The following ITPR2 variants were observed in gnomAD, a reference collection of about 807,000 sequenced individuals.
ITPR2 encodes the protein inositol 1,4,5-trisphosphate receptor type 2.
A neutral mutation model predicts 317.1 loss-of-function variants in ITPR2; 207 were observed. The observed-to-expected ratio is 0.65, with a 90% CI of 0.58 to 0.73. ITPR2 has a LOEUF of 0.73. ITPR2 is among the 30% of genes least tolerant of loss of function. The probability of loss-of-function intolerance (pLI) is 0.00; values close to 1 mark genes in which losing one functional copy is unlikely to be tolerated. For missense variants in ITPR2, 2,613 were observed against 3,284.0 expected (o/e 0.80, Z 4.99); for synonymous variants, 1,156 against 1,149.1 (o/e 1.01, Z -0.12).
intron 1 of ITPR2, among the ~76,000 whole-genome samples, chr12:26,798,503 C>A (rs891571952): frequency 2.0e-4 from 31 of 152,116 alleles, no homozygotes; most frequent in African/African-American, 7.2e-4. Flanking sequence ...AGCTAAATAC[C>A]AGCACTAAGT....
chr12:26,626,794 G>A (rs796525334), intron 23 of ITPR2, among the ~76,000 whole-genome samples: 1 of 152,222 alleles, frequency 6.6e-6, no homozygotes, highest in Non-Finnish European at 1.5e-5. Flanking sequence ...ATTGATGGAC[G>A]AAGAAGAGGG....
At chr12:26,483,037 C>T (rs1420391098) in intron 42 of ITPR2, among the ~76,000 whole-genome samples, 1 of 152,174 alleles carries the variant, frequency 6.6e-6, no homozygotes, top group Non-Finnish European at 1.5e-5. Context: ...CATCCCTTAC[C>T]TTGATTGACC....
intron 32 of ITPR2, among the ~76,000 whole-genome samples, chr12:26,594,404 G>A (rs1209476806): frequency 6.6e-6 from 1 of 151,714 alleles, no homozygotes; most frequent in Non-Finnish European, 1.5e-5. Flanking sequence ...TGACAAGGAT[G>A]TACCTTGTCA....
intron 39 of ITPR2, among the ~76,000 whole-genome samples, chr12:26,491,226 G>A (rs1332831875): frequency 6.6e-6 from 1 of 152,060 alleles, no homozygotes; most frequent in African/African-American, 2.4e-5. Flanking sequence ...GCTCACACCT[G>A]TAATCCCAGC....
intron 21 of ITPR2, among the ~76,000 whole-genome samples, chr12:26,642,408 T>C (rs921025241): frequency 6.6e-6 from 1 of 151,868 alleles, no homozygotes; most frequent in African/African-American, 2.4e-5. Flanking sequence ...ATCCCAGGAG[T>C]GGGTTTTTTG....
intron 45 of ITPR2, among the ~76,000 whole-genome samples, chr12:26,455,755 T>C (rs991063259): frequency 1.3e-5 from 2 of 152,104 alleles, no homozygotes; most frequent in Non-Finnish European, 2.9e-5. Context: ...TATAACCTAC[T>C]GGTAAAGAAG....
At chr12:26,734,063 C>T (rs141954962) in intron 2 of ITPR2, among the ~76,000 whole-genome samples, 17 of 152,132 alleles carry the variant, frequency 1.1e-4, no homozygotes, top group Admixed American at 1.3e-4. Flanking sequence ...ACTTCCATAG[C>T]GTCTCCTTTT....
At chr12:26,515,955 A>G (rs1456545322) in intron 37 of ITPR2, among the ~76,000 whole-genome samples, 1 of 150,482 alleles carries the variant, frequency 6.6e-6, no homozygotes, top group African/African-American at 2.4e-5. Context: ...ACAAAAAAAA[A>G]AGAAAAAGAA....
intron 45 of ITPR2, among the ~76,000 whole-genome samples, chr12:26,466,591 A>G (rs1229132326): frequency 6.6e-6 from 1 of 152,250 alleles, no homozygotes; most frequent in East Asian, 1.9e-4. Flanking sequence ...TACATTATTT[A>G]AAACATAATT....
chr12:26,435,882 C>A (rs1941338760), intron 48 of ITPR2, among the ~76,000 whole-genome samples: 1 of 152,034 alleles, frequency 6.6e-6, no homozygotes, highest in Non-Finnish European at 1.5e-5. Flanking sequence ...ATTTAGGTAA[C>A]AACAATTAAT....
chr12:26,584,784 C>T (rs1488081966), intron 32 of ITPR2, among the ~76,000 whole-genome samples: 1 of 152,170 alleles, frequency 6.6e-6, no homozygotes, highest in Non-Finnish European at 1.5e-5. Context: ...GGCTACTCTA[C>T]AGGGCAGGGC....
intron 4 of ITPR2, among the ~76,000 whole-genome samples, chr12:26,724,114 C>T (rs1434305885): frequency 1.3e-5 from 2 of 152,126 alleles, no homozygotes; most frequent in Non-Finnish European, 2.9e-5. Flanking sequence ...AAGTGCCTTA[C>T]ATTCTTTTTT....
At chr12:26,584,212 C>T (rs970878883) in intron 32 of ITPR2, among the ~76,000 whole-genome samples, 1 of 152,104 alleles carries the variant, frequency 6.6e-6, no homozygotes, top group African/African-American at 2.4e-5. Context: ...TCAAGGATTC[C>T]TGTTTATTTA....
Position 26,826,315 on chromosome 12 carries a change from A to G in ITPR2, c.92+6375T>C, listed in dbSNP as rs1356245566. 5.9e-5 allele frequency among the ~76,000 whole-genome samples: 9 copies of G among 152,228 alleles called. No individual in the cohort carries two copies. In the East Asian group the frequency reaches 1.7e-3, roughly 29 times the overall value. Reference sequence around the variant, plus strand: ...ATTAAATAAGATAAATCAAATCTACAACTATTTAAACATCAAAATGTTTAG... The same window carrying G: ...ATTAAATAAGATAAATCAAATCTACGACTATTTAAACATCAAAATGTTTAG... On this transcript the variant is annotated intron_variant, in intron 1 of 56. Coordinates refer to ENST00000381340, the MANE Select transcript of ITPR2 (RefSeq NM_002223.4).
intron 2 of ITPR2, among the ~76,000 whole-genome samples, chr12:26,768,344 G>A: frequency 6.6e-6 from 1 of 150,550 alleles, no homozygotes; most frequent in Non-Finnish European, 1.5e-5. Flanking sequence ...CAGCGCACCA[G>A]CATGGCACAT....
intron 13 of ITPR2, among the ~76,000 whole-genome samples, chr12:26,676,463 TG>T (rs1398684401): frequency 1.4e-4 from 20 of 142,194 alleles, no homozygotes; most frequent in African/African-American, 4.9e-4. Context: ...GGTGACAGAG[TG>T]AGACTCTGTC....
intron 32 of ITPR2, among the ~76,000 whole-genome samples, chr12:26,592,167 C>G (rs1397733742): frequency 6.6e-6 from 1 of 152,140 alleles, no homozygotes; most frequent in East Asian, 1.9e-4. Flanking sequence ...TAAATTTTGC[C>G]TGTTCTCACT....
chr12:26,603,358 C>G (rs1266059378), intron 26 of ITPR2, among the ~76,000 whole-genome samples: 4 of 152,244 alleles, frequency 2.6e-5, no homozygotes, highest in Admixed American at 6.5e-5. Context: ...ATTATAATAA[C>G]TATTATCTGT....
At chr12:26,462,048 C>T (rs1942047142) in intron 45 of ITPR2, among the ~76,000 whole-genome samples, 1 of 151,498 alleles carries the variant, frequency 6.6e-6, no homozygotes, top group Non-Finnish European at 1.5e-5. Context: ...AATTCTGAAA[C>T]TCAAAATGCA....
Sources: allele counts gnomAD v4.1 joint callset (sites outside exome capture counted in the v4.1 genomes callset), GRCh38; gene constraint gnomAD v4.1.1; transcripts MANE v1.5; gene names NCBI Gene and HGNC (gene_info 2026-07-23, HGNC 2026-07-21).